Variants in ORAI2 observed in about 807,000 individuals in gnomAD.
The protein encoded by ORAI2 is protein orai-2.
Under a neutral mutation model 16.2 loss-of-function variants are expected in ORAI2, and 10 were observed. That is an observed-to-expected ratio of 0.62 (90% confidence interval 0.38 to 1.04). ORAI2 has a LOEUF of 1.04. ORAI2 is among the 50% of genes least tolerant of loss of function. The pLI is 0.01. For synonymous variants in ORAI2, 150 were observed against 157.5 expected (o/e 0.95, Z 0.35); for missense variants, 238 against 355.5 (o/e 0.67, Z 2.66).
At position 102,446,962 on chromosome 7, in the gene ORAI2, C is replaced by A; in HGVS notation, c.675C>A (p.His225Gln). The A allele has an allele frequency of 6.2e-7, 1 of 1,610,608 alleles. No homozygotes were observed. The highest frequency in any genetic ancestry group is 8.5e-7 in the Non-Finnish European group (1 of 1,179,428). Residue 225 changes from histidine to glutamine, a missense_variant, in exon 4 of 4, where the codon CAC becomes CAA. By Grantham distance (24) the His-to-Gln change is conservative. Transcript: ENST00000495936. ...TIHFYRSLVR[H>Q]KTERHNREIE... is the part of the protein sequence containing the mutation. ...ACTTCTACCGCTCCCTGGTGCGCCA[C>A]AAAACGGAGCGCCACAACCGCGAGA...
At chr7:102,435,546 T>C (rs1797038175) in intron 1 of ORAI2, among the ~76,000 whole-genome samples, 1 of 150,980 alleles carries the variant, frequency 6.6e-6, no homozygotes, top group Non-Finnish European at 1.5e-5. Flanking sequence ...CTTTTTTTTT[T>C]TTTTTTTTGA....
intron 3 of ORAI2, among the ~76,000 whole-genome samples, chr7:102,441,911 CTG>C (rs1362209545): frequency 1.3e-5 from 2 of 152,122 alleles, no homozygotes; most frequent in African/African-American, 4.8e-5. Flanking sequence ...TCATCAGAAA[CTG>C]TAGCTGAGTC....
chr7:102,445,405 A>T (rs759250738), intron 3 of ORAI2, among the ~76,000 whole-genome samples: 10 of 151,818 alleles, frequency 6.6e-5, no homozygotes, highest in Non-Finnish European at 7.4e-5. Context: ...CTGGGATTAC[A>T]GGCATGAATC....
intron 2 of ORAI2, among the ~76,000 whole-genome samples, chr7:102,438,209 A>G (rs1797108290): frequency 1.3e-5 from 2 of 151,256 alleles, no homozygotes; most frequent in South Asian, 2.1e-4. Flanking sequence ...TTAGCCAGCT[A>G]TGGTGGCGGG....
chr7:102,441,540 AAAAAAAAAAAAAG>A (rs1436331093), intron 3 of ORAI2, among the ~76,000 whole-genome samples: 2 of 148,474 alleles, frequency 1.3e-5, no homozygotes, highest in Non-Finnish European at 3.0e-5. Context: ...CTGCATCTCA[AAAAAAAAAAAAAG>A]AAAAAAAAAA....
At chr7:102,445,793 C>A (rs1563638002) in intron 3 of ORAI2, among the ~76,000 whole-genome samples, 1 of 151,516 alleles carries the variant, frequency 6.6e-6, no homozygotes, top group East Asian at 1.9e-4. Flanking sequence ...TTTTTCACTT[C>A]TTTCTTTTGT....
In ORAI2 at chr7:102,447,858, G is replaced by A. The variant is rs1489066259; in HGVS notation, c.*806G>A. 1 of 152,380 alleles carries A rather than the reference G, an allele frequency of 6.6e-6. No individual in the cohort carries two copies. Among genetic ancestry groups the A allele is most frequent in the Non-Finnish European group, 1.5e-5 (1 of 68,154 alleles). The allele number at this position is 152,380 out of a possible 1,614,324, so 9.4% of individuals were successfully genotyped here. Reference sequence around the variant, plus strand: ...AGAGCCCTGGCCACACGGACTCAGAGGGGCCACCGGGGTGGGGAAAGGACC... The same window carrying A: ...AGAGCCCTGGCCACACGGACTCAGAAGGGCCACCGGGGTGGGGAAAGGACC... On this transcript the variant is annotated 3_prime_UTR_variant, in exon 4 of 4. Coordinates refer to ENST00000495936, the MANE Select transcript of ORAI2 (RefSeq NM_001126340.3).
chr7:102,436,895 G>A (rs548141959), intron 2 of ORAI2, among the ~76,000 whole-genome samples: 53 of 152,150 alleles, frequency 3.5e-4, no homozygotes, highest in African/African-American at 1.3e-3. Context: ...ATTTTTAGTG[G>A]AGACAGGGTT....
chr7:102,453,491 G>GTGTGCCAAGC lies in ORAI2; in HGVS notation c.*6439_*6440insTGTGCCAAGC, dbSNP rs1797577348. On this transcript the variant is annotated 3_prime_UTR_variant, in exon 4 of 4. Transcript: ENST00000495936. ...GCCAAGCAACTGGCACCACTCCATG[G>GTGTGCCAAGC]AAAGCGTCTAGGGCAGTGCCTTGGT... 6.6e-6 allele frequency: 1 copy of GTGTGCCAAGC among 152,238 alleles called. No homozygotes were observed. The highest frequency in any genetic ancestry group is 2.4e-5 in the African/African-American group (1 of 41,452). The allele number at this position is 152,238 out of a possible 1,614,324, so 9.4% of individuals were successfully genotyped here.
At chr7:102,445,538 T>C (rs1316401446) in intron 3 of ORAI2, among the ~76,000 whole-genome samples, 1 of 152,020 alleles carries the variant, frequency 6.6e-6, no homozygotes, top group Non-Finnish European at 1.5e-5. Context: ...CAGCCTGTTA[T>C]CTCCCGGGTT....
intron 3 of ORAI2, among the ~76,000 whole-genome samples, chr7:102,446,154 G>A (rs1001562088): frequency 6.6e-6 from 1 of 152,176 alleles, no homozygotes; most frequent in African/African-American, 2.4e-5. Context: ...TCACCATGTT[G>A]GCCAGGCTGG....
At chr7:102,438,526 G>C (rs942120294) in intron 2 of ORAI2, among the ~76,000 whole-genome samples, 4 of 152,042 alleles carry the variant, frequency 2.6e-5, no homozygotes, top group African/African-American at 9.7e-5. Flanking sequence ...TATAATCCCA[G>C]CAGTTTGGGA....
rs201087328 is a variant in ORAI2, at chr7:102,443,271, C to CT, written c.226-3241dup. Among the ~76,000 whole-genome samples the CT allele has an allele frequency of 3.6e-4, 52 of 143,328 alleles. 1 individual carries two copies. The highest frequency in any genetic ancestry group is 2.9e-3 in the South Asian group (13 of 4,510). The allele number at this position is 143,328 out of a possible 152,430, so 94.0% of individuals were successfully genotyped here. The stretch of plus-strand genomic sequence containing the variant: ...TGAGCCACCTCACTCAGCCCCTTTT[C>CT]TCCTTTTTTTTTTTTTTTTTTGAGA... On this transcript the variant is annotated intron_variant, in intron 3 of 3. Coordinates refer to ENST00000495936, the MANE Select transcript of ORAI2 (RefSeq NM_001126340.3).
intron 3 of ORAI2, among the ~76,000 whole-genome samples, chr7:102,445,289 CGTTTTTT>C (rs1370289638): frequency 3.2e-5 from 4 of 125,332 alleles, no homozygotes; most frequent in African/African-American, 1.4e-4. Flanking sequence ...GGTCAGTTTC[CGTTTTTT>C]GTTTTTTTTT....
Position 102,438,938 on chromosome 7 carries a change from C to G in ORAI2, c.-13-6C>G. On this transcript the variant is annotated splice_region_variant and splice_polypyrimidine_tract_variant and intron_variant, in intron 2 of 3. Transcript: ENST00000495936. Reference sequence around the variant, plus strand: ...ATGTCTGAGCATGTCTCTCTCCCACCCTTAGCCTGGCTCCCACCATGAGTG... The same window carrying G: ...ATGTCTGAGCATGTCTCTCTCCCACGCTTAGCCTGGCTCCCACCATGAGTG... 1 of 1,613,262 alleles carries G rather than the reference C, an allele frequency of 6.2e-7. No individual in the cohort carries two copies. Among genetic ancestry groups the G allele is most frequent in the Non-Finnish European group, 8.5e-7 (1 of 1,179,572 alleles).
At chr7:102,444,061 G>A (rs972365304) in intron 3 of ORAI2, among the ~76,000 whole-genome samples, 1 of 151,994 alleles carries the variant, frequency 6.6e-6, no homozygotes, top group Non-Finnish European at 1.5e-5. Context: ...GAGCTGCTAA[G>A]AGGTGGCAGT....
rs536631807 is a variant in ORAI2 at position 102,436,593 on chromosome 7, C to G, written c.-14+260C>G. Among the ~76,000 whole-genome samples, 8 of 152,180 alleles carry G rather than the reference C, an allele frequency of 5.3e-5. No individual in the cohort carries two copies. The East Asian group carries it at 1.5e-3, about 29-fold the overall frequency. ...GCACTCCCCACTCCACCCGTCCACC[C>G]CAGCCACGCTCCCTGGGACCTAGAA... On this transcript the variant is annotated intron_variant, in intron 2 of 3. Coordinates refer to ENST00000495936, the MANE Select transcript of ORAI2 (RefSeq NM_001126340.3).
chr7:102,446,425 C>A, intron 3 of ORAI2, 88 bp from the exon 4 acceptor site: 1 of 1,396,582 alleles, frequency 7.2e-7, no homozygotes, highest in Non-Finnish European at 9.6e-7. Flanking sequence ...GAACCTGGCC[C>A]AGCCCCTGCT....
Position 102,450,858 on chromosome 7 carries a change from G to A in ORAI2, c.*3806G>A, listed in dbSNP as rs1354386089. 1 of 152,220 alleles carries A rather than the reference G, an allele frequency of 6.6e-6. No homozygotes were observed. Among genetic ancestry groups the A allele is most frequent in the Non-Finnish European group, 1.5e-5 (1 of 68,062 alleles). 9.4% of individuals were successfully genotyped at this position (152,220 alleles called of 1,614,324 possible). Reference sequence around the variant, plus strand: ...CGATGAGGAATGCCATTGCAGCCTAGAAATTCGGTTTCTGGAGGTTTAGCC... The same window carrying A: ...CGATGAGGAATGCCATTGCAGCCTAAAAATTCGGTTTCTGGAGGTTTAGCC... On this transcript the variant is annotated 3_prime_UTR_variant, in exon 4 of 4. Transcript: ENST00000495936.
Sources: allele counts gnomAD v4.1 joint callset (sites outside exome capture counted in the v4.1 genomes callset), GRCh38; gene constraint gnomAD v4.1.1; transcripts MANE v1.5; gene names NCBI Gene and HGNC (gene_info 2026-07-23, HGNC 2026-07-21).